The following GALNT18 variants were observed in gnomAD, a reference collection of about 807,000 sequenced individuals.
GALNT18 encodes the protein GalNAc-transferase 18.
GALNT18 carries 44 observed loss-of-function variants against 69.5 expected under a neutral mutation model. The ratio of observed to expected loss-of-function variants is 0.63; its 90% CI spans 0.50 to 0.81. The LOEUF (loss-of-function observed/expected upper bound fraction) is 0.81. Among genes scored for constraint, GALNT18 ranks in the 40% least tolerant of loss-of-function variants. GALNT18 has a pLI of 0.00. For missense variants in GALNT18, 715 were observed against 810.0 expected, an observed-to-expected ratio of 0.88 and a Z score of 1.42; for synonymous variants, 364 against 318.2, an observed-to-expected ratio of 1.14 and a Z score of -1.53.
chr11:11,446,347 CTTTAA>C (rs1196910921), intron 2 of GALNT18, among the ~76,000 whole-genome samples: 1 of 152,166 alleles, frequency 6.6e-6, no homozygotes, highest in Non-Finnish European at 1.5e-5. Context: ...TCCATTTTCC[CTTTAA>C]TTTTGAACAA....
At position 11,432,672 on chromosome 11, in the gene GALNT18, G is replaced by T. The variant is rs1413611108; in HGVS notation, c.544C>A (p.Pro182Thr). The T allele has an allele frequency of 6.2e-7, 1 of 1,612,712 alleles. No individual in the cohort carries two copies. Among genetic ancestry groups the T allele is most frequent in the Non-Finnish European group, 8.5e-7 (1 of 1,179,470 alleles). The change falls in exon 3 of 11, where the codon CCC becomes ACC. Residue 182 changes from proline (P) to threonine (T), a missense_variant. Physicochemically the swap from Pro to Thr is conservative, Grantham distance 38. Transcript: ENST00000227756. This position sits in a 1 kb window ranked among gnomAD's most constrained non-coding sequence, Gnocchi z 5.8. ...RSIHSAMERT[P>T]PHLLKEIILV... The stretch of plus-strand genomic sequence containing the variant: ...ATGATCTCCTTGAGCAGATGTGGGG[G>T]CGTGCGTTCCATGGCCGAGTGGATG...
intron 6 of GALNT18, among the ~76,000 whole-genome samples, chr11:11,349,905 G>A (rs774948860): frequency 3.3e-5 from 5 of 152,228 alleles, no homozygotes; most frequent in Middle Eastern, 3.4e-3. Context: ...CAACACTTCC[G>A]AAGAGTCCTC....
At chr11:11,376,067 G>T (rs919958327) in intron 5 of GALNT18, among the ~76,000 whole-genome samples, 7 of 152,128 alleles carry the variant, frequency 4.6e-5, no homozygotes, top group African/African-American at 1.7e-4. Flanking sequence ...GGAACATAAA[G>T]ACACCCACCG....
intron 6 of GALNT18, among the ~76,000 whole-genome samples, chr11:11,371,228 T>C (rs547812003): frequency 7.9e-5 from 12 of 152,330 alleles, no homozygotes; most frequent in African/African-American, 2.6e-4. Flanking sequence ...TGTCAGGTCA[T>C]TGCAGGCATT....
chr11:11,273,417 T>G (rs1393138786), intron 10 of GALNT18, among the ~76,000 whole-genome samples: 1 of 152,128 alleles, frequency 6.6e-6, no homozygotes, highest in Non-Finnish European at 1.5e-5. Flanking sequence ...CACAAAAGAC[T>G]TATAAATGGC....
At chr11:11,286,288 C>T (rs1379176985) in intron 10 of GALNT18, among the ~76,000 whole-genome samples, 1 of 152,180 alleles carries the variant, frequency 6.6e-6, no homozygotes, top group African/African-American at 2.4e-5. Context: ...AAAATATTTC[C>T]ACCTCTCTCC....
chr11:11,545,938 T>G (rs982804289), intron 1 of GALNT18, among the ~76,000 whole-genome samples: 2 of 151,962 alleles, frequency 1.3e-5, no homozygotes, highest in Non-Finnish European at 2.9e-5. Context: ...AGGAAAAAGG[T>G]GGGGTGGGGA....
chr11:11,347,766 C>T lies in GALNT18; in HGVS notation c.1093-6762G>A, dbSNP rs1850328266. 6.6e-6 allele frequency among the ~76,000 whole-genome samples: 1 copy of T among 152,212 alleles called. No individual in the cohort carries two copies. Among genetic ancestry groups the T allele is most frequent in the South Asian group, 2.1e-4 (1 of 4,826 alleles). On this transcript the variant is annotated intron_variant, in intron 6 of 10. Transcript: ENST00000227756. The surrounding 1 kb of genome is among the most constrained non-coding windows in gnomAD (Gnocchi z 4.0). Reference sequence around the variant, plus strand: ...TAATGACTTGTACGACTCATGTGGTCCTTATTTCTTGGCTCATGTGGTTAA... The same window carrying T: ...TAATGACTTGTACGACTCATGTGGTTCTTATTTCTTGGCTCATGTGGTTAA...
At chr11:11,287,154 A>AGCC (rs1313869640) in intron 10 of GALNT18, among the ~76,000 whole-genome samples, 3 of 152,214 alleles carry the variant, frequency 2.0e-5, no homozygotes, top group Non-Finnish European at 4.4e-5. Context: ...TGCACAAGGC[A>AGCC]GCCCTTCAGA....
chr11:11,549,802 A>G (rs1858148666), intron 1 of GALNT18, among the ~76,000 whole-genome samples: 1 of 152,192 alleles, frequency 6.6e-6, no homozygotes. Context: ...CTGGAGGAGA[A>G]CCTAACCCAC....
At chr11:11,300,589 A>G (rs1475114793) in intron 9 of GALNT18, among the ~76,000 whole-genome samples, 3 of 152,214 alleles carry the variant, frequency 2.0e-5, no homozygotes, top group African/African-American at 7.2e-5. Flanking sequence ...TAGGGAGTTA[A>G]GAGTCACACA....
intron 6 of GALNT18, among the ~76,000 whole-genome samples, chr11:11,343,180 C>A (rs1408713110): frequency 6.6e-6 from 1 of 151,780 alleles, no homozygotes; most frequent in Non-Finnish European, 1.5e-5. Context: ...CTCATCTCTG[C>A]TGAAAATTTC....
intron 2 of GALNT18, among the ~76,000 whole-genome samples, chr11:11,437,300 G>A (rs1230533319): frequency 6.6e-6 from 1 of 152,122 alleles, no homozygotes; most frequent in Non-Finnish European, 1.5e-5. Flanking sequence ...TTTTATTCTT[G>A]TTGAAAGCTG....
intron 1 of GALNT18, among the ~76,000 whole-genome samples, chr11:11,593,169 T>A (rs899305933): frequency 2.0e-5 from 3 of 152,198 alleles, no homozygotes; most frequent in Non-Finnish European, 4.4e-5. Flanking sequence ...CGCCTCGGCC[T>A]CCCGCTTCGT....
In GALNT18 at chr11:11,542,041, G is replaced by A. The variant is rs907238815; in HGVS notation, c.235+79318C>T. ...AAATATGAAGGAGCCAACCAACCAC[G>A]ATGTTGGATTGCTGGGAACGCAGAG... On this transcript the variant is annotated intron_variant, in intron 1 of 10. Transcript: ENST00000227756. This position sits in a 1 kb window ranked among gnomAD's most constrained non-coding sequence, Gnocchi z 4.3. Among the ~76,000 whole-genome samples the A allele has an allele frequency of 1.3e-5, 2 of 152,102 alleles. No individual in the cohort carries two copies. Among genetic ancestry groups the A allele is most frequent in the Non-Finnish European group, 2.9e-5 (2 of 68,014 alleles).
At chr11:11,615,452 C>A (rs748392510) in intron 1 of GALNT18, among the ~76,000 whole-genome samples, 4 of 152,020 alleles carry the variant, frequency 2.6e-5, no homozygotes, top group Non-Finnish European at 1.5e-5. Context: ...AGTAAGATAA[C>A]GGATTTAGAA....
At chr11:11,475,007 C>T (rs912829710) in intron 1 of GALNT18, among the ~76,000 whole-genome samples, 4 of 152,172 alleles carry the variant, frequency 2.6e-5, no homozygotes, top group African/African-American at 7.2e-5. Context: ...CCTCCTGACA[C>T]ACCCAGGCCT....
chr11:11,468,815 C>T (rs1856211472), intron 1 of GALNT18, among the ~76,000 whole-genome samples: 1 of 152,196 alleles, frequency 6.6e-6, no homozygotes, highest in African/African-American at 2.4e-5. Context: ...GCAGATTCTA[C>T]AGGTGCTGGT....
At position 11,496,897 on chromosome 11, in the gene GALNT18, C is replaced by G. The variant is rs1035028639; in HGVS notation, c.236-47961G>C. On this transcript the variant is annotated intron_variant, in intron 1 of 10. Coordinates refer to ENST00000227756, the MANE Select transcript of GALNT18 (RefSeq NM_198516.3). This position sits in a 1 kb window ranked among gnomAD's most constrained non-coding sequence, Gnocchi z 4.0. ...TAACCAGAGTGAACTTCTAGAAACACAAATCAGATCACATCACACCTCACT... is the reference window on the plus strand; with the variant it reads ...TAACCAGAGTGAACTTCTAGAAACAGAAATCAGATCACATCACACCTCACT... 6.6e-6 allele frequency among the ~76,000 whole-genome samples: 1 copy of G among 152,206 alleles called. No individual in the cohort carries two copies. The highest frequency in any genetic ancestry group is 2.4e-5 in the African/African-American group (1 of 41,450).
Sources: allele counts gnomAD v4.1 joint callset (sites outside exome capture counted in the v4.1 genomes callset), GRCh38; gene constraint gnomAD v4.1.1; non-coding constraint Gnocchi (gnomAD v3.1); transcripts MANE v1.5; gene names NCBI Gene and HGNC (gene_info 2026-07-23, HGNC 2026-07-21).